NEBL: variants seen among roughly 807,000 people sequenced by gnomAD.
NEBL encodes the protein LIM and SH3 protein 2.
In NEBL, 122 loss-of-function variants were observed where a neutral mutation model predicts 140.2. The ratio of observed to expected loss-of-function variants is 0.87; its 90% CI spans 0.75 to 1.01. NEBL has a LOEUF of 1.01. Ranked by LOEUF, NEBL falls within the 50% of genes least tolerant of loss-of-function variation. The pLI is 0.00. For missense variants in NEBL, 1,365 were observed against 1,231.3 expected, an observed-to-expected ratio of 1.11 and a Z score of -1.62; for synonymous variants, 436 against 398.9, an observed-to-expected ratio of 1.09 and a Z score of -1.11.
At chr10:21,262,627 C>T (rs1474017904) in intron 1 of NEBL, among the ~76,000 whole-genome samples, 1 of 152,134 alleles carries the variant, frequency 6.6e-6, no homozygotes, top group African/African-American at 2.4e-5. Flanking sequence ...AAATCAAGGT[C>T]ACAATTTTTA....
intron 2 of NEBL, among the ~76,000 whole-genome samples, chr10:21,045,714 C>T (rs1298612901): frequency 6.6e-6 from 1 of 152,102 alleles, no homozygotes; most frequent in African/African-American, 2.4e-5. Flanking sequence ...AAAGACAACA[C>T]ATGTTGGCAA....
At chr10:21,285,172 C>T (rs1843040259) in intron 1 of NEBL, among the ~76,000 whole-genome samples, 1 of 152,192 alleles carries the variant, frequency 6.6e-6, no homozygotes, top group Non-Finnish European at 1.5e-5. Flanking sequence ...AGGACAGATT[C>T]ATGGTTACAG....
At position 20,859,846 on chromosome 10, in the gene NEBL, G is replaced by T; in HGVS notation, c.685-20C>A. On this transcript the variant is annotated intron_variant, in intron 7 of 27. Coordinates refer to ENST00000377122, the MANE Select transcript of NEBL (RefSeq NM_006393.3). ...TTTAATCTGTCATAAAAGAGAAATA[G>T]TACATGTAACTTTACATTTAAAAGT... The T allele has an allele frequency of 8.7e-7, 1 of 1,145,832 alleles. No individual in the cohort carries two copies. The highest frequency in any genetic ancestry group is 1.5e-5 in the African/African-American group (1 of 65,296). The allele number at this position is 1,145,832 out of a possible 1,614,324, so 71.0% of individuals were successfully genotyped here.
intron 14 of NEBL, among the ~76,000 whole-genome samples, chr10:20,834,006 T>C (rs978863949): frequency 6.6e-6 from 1 of 152,122 alleles, no homozygotes; most frequent in Non-Finnish European, 1.5e-5. Context: ...AGGGGAAAAT[T>C]AGGGATTCTA....
intron 3 of NEBL, among the ~76,000 whole-genome samples, chr10:20,973,714 C>T (rs1836678468): frequency 6.6e-6 from 1 of 152,210 alleles, no homozygotes; most frequent in Non-Finnish European, 1.5e-5. Flanking sequence ...CATGGATTGG[C>T]CTCATTTGGC....
At position 21,173,676 on chromosome 10, in the gene NEBL, T is replaced by G; in HGVS notation, c.69+89A>C. 6.3e-7 allele frequency: 1 copy of G among 1,598,896 alleles called. No individual in the cohort carries two copies. The highest frequency in any genetic ancestry group is 1.3e-5 in the African/African-American group (1 of 74,834). ...CACGCACACGCACCGACCCACTCAT[T>G]GCTTTCCATCCCAGGTGCCAAAACT... On this transcript the variant is annotated intron_variant, in intron 1 of 6. Transcript: ENST00000417816. The surrounding 1 kb of genome is among the most constrained non-coding windows in gnomAD (Gnocchi z 5.7).
At chr10:21,104,157 T>G (rs1263399456) in intron 2 of NEBL, among the ~76,000 whole-genome samples, 1 of 152,210 alleles carries the variant, frequency 6.6e-6, no homozygotes, top group African/African-American at 2.4e-5. Context: ...CTGTCCTGAT[T>G]ACCAGAGCTG....
rs118027505 is a variant in NEBL at position 20,890,956 on chromosome 10, C to T, written c.154-1007G>A. ...CCTCCCAAGACCATAAATACTTAAA[C>T]TGAAAAAGTGTTCCTGTTTCAGATG... On this transcript the variant is annotated intron_variant, in intron 2 of 27. Coordinates refer to ENST00000377122, the MANE Select transcript of NEBL (RefSeq NM_006393.3). Among the ~76,000 whole-genome samples, 189 of 152,296 alleles carry T rather than the reference C, an allele frequency of 1.2e-3. 3 individuals are homozygous for T. In the East Asian group the frequency reaches 0.031, roughly 25 times the overall value.
At chr10:20,887,969 C>A in intron 4 of NEBL, 128 bp downstream of exon 4, 3 of 721,284 alleles carry the variant, frequency 4.2e-6, no homozygotes, top group South Asian at 3.1e-5. Context: ...GCACATTAAT[C>A]AGTTGCTTTC....
intron 17 of NEBL, 81 bp downstream of exon 17, chr10:20,828,449 A>T: frequency 2.3e-6 from 2 of 885,392 alleles, no homozygotes. Context: ...AGCAGAAAAC[A>T]TCAGACAATG....
chr10:20,992,075 A>C (rs542804083), intron 3 of NEBL, among the ~76,000 whole-genome samples: 4 of 152,342 alleles, frequency 2.6e-5, no homozygotes, highest in African/African-American at 9.6e-5. Context: ...TGTGATAAAC[A>C]TGAATGCAGG....
intron 24 of NEBL, 78 bp from the exon 25 acceptor site, chr10:20,809,976 CA>C: frequency 9.9e-7 from 1 of 1,007,502 alleles, no homozygotes; most frequent in Non-Finnish European, 1.5e-6. Flanking sequence ...AGCCAGTACC[CA>C]AAAGAGTCAA....
intron 26 of NEBL, among the ~76,000 whole-genome samples, chr10:20,800,242 G>T (rs187209967): frequency 1.3e-5 from 2 of 151,472 alleles, no homozygotes; most frequent in Non-Finnish European, 2.9e-5. Context: ...TCTATGTCTG[G>T]CTTATTTCAC....
chr10:20,898,998 A>C (rs79740314), upstream of NEBL, among the ~76,000 whole-genome samples: 1,240 of 152,344 alleles, frequency 8.1e-3, 18 homozygotes, highest in African/African-American at 0.028. Context: ...AATACCAAAA[A>C]GAAATTGCCT....
intron 3 of NEBL, among the ~76,000 whole-genome samples, chr10:21,181,285 A>G (rs1423234692): frequency 6.6e-6 from 1 of 152,036 alleles, no homozygotes; most frequent in Non-Finnish European, 1.5e-5. Context: ...AAATTATCCA[A>G]AGTGAATGTA....
At chr10:21,206,376 CAT>C (rs1439814567) in intron 3 of NEBL, among the ~76,000 whole-genome samples, 10 of 152,204 alleles carry the variant, frequency 6.6e-5, no homozygotes, top group African/African-American at 2.4e-4. Flanking sequence ...TGGAATTTAA[CAT>C]GTGCTAGTGA....
rs12266744 is a variant in NEBL, at chr10:20,855,793, G to A, written c.903+2447C>T. On this transcript the variant is annotated intron_variant, in intron 9 of 27. Coordinates refer to ENST00000377122, the MANE Select transcript of NEBL (RefSeq NM_006393.3). Reference sequence around the variant, plus strand: ...ACTCATATCACTCTTTAGAGTTTGGGTTAAAATAAAAGTAACTCTGATGTT... The same window carrying A: ...ACTCATATCACTCTTTAGAGTTTGGATTAAAATAAAAGTAACTCTGATGTT... Among the ~76,000 whole-genome samples, 1,373 of 152,206 alleles carry A rather than the reference G, an allele frequency of 9.0e-3. 18 individuals are homozygous for A. Among genetic ancestry groups the A allele is most frequent in the African/African-American group, 0.031 (1,285 of 41,528 alleles).
chr10:21,143,155 C>T (rs915118233), intron 2 of NEBL, among the ~76,000 whole-genome samples: 1 of 152,024 alleles, frequency 6.6e-6, no homozygotes, highest in African/African-American at 2.4e-5. Context: ...GGAGGTTAAA[C>T]TTTAAGCATG....
intron 5 of NEBL, among the ~76,000 whole-genome samples, chr10:20,880,248 C>A (rs1015959430): frequency 6.6e-6 from 1 of 152,156 alleles, no homozygotes; most frequent in Admixed American, 6.5e-5. Flanking sequence ...GTAATCCCAG[C>A]TACTCGGGAG....
Sources: gnomAD v4.1 joint callset for allele counts (sites outside exome capture counted in the v4.1 genomes callset) on GRCh38, gnomAD v4.1.1 for gene constraint, Gnocchi (gnomAD v3.1) non-coding constraint, MANE v1.5 for transcripts, NCBI Gene and HGNC (gene_info 2026-07-23, HGNC 2026-07-21) for gene names.